GALNT14: variants seen among roughly 807,000 people sequenced by gnomAD.
GALNT14 encodes the protein UDP-GalNAc:polypeptide N-acetylgalactosaminyltransferase 14.
Under a neutral mutation model 77.5 loss-of-function variants are expected in GALNT14, and 60 were observed. The ratio of observed to expected loss-of-function variants is 0.77; its 90% CI spans 0.63 to 0.96. The LOEUF (loss-of-function observed/expected upper bound fraction) is 0.96, where lower values mean the gene tolerates loss of function less well. Among genes scored for constraint, GALNT14 ranks in the 40% least tolerant of loss-of-function variants. The probability of loss-of-function intolerance (pLI) is 0.00; values close to 1 mark genes in which losing one functional copy is unlikely to be tolerated. For missense variants in GALNT14, 710 were observed against 731.0 expected, an observed-to-expected ratio of 0.97 and a Z score of 0.33; for synonymous variants, 280 against 281.7, an observed-to-expected ratio of 0.99 and a Z score of 0.06.
intron 8 of GALNT14, among the ~76,000 whole-genome samples, chr2:30,943,467 A>T (rs2148284255): frequency 6.6e-6 from 1 of 152,320 alleles, no homozygotes; most frequent in Middle Eastern, 3.4e-3. Context: ...ATGCTGCCAC[A>T]TCCTGCTGTT....
At chr2:31,031,606 G>A (rs924145544) in intron 1 of GALNT14, among the ~76,000 whole-genome samples, 10 of 152,094 alleles carry the variant, frequency 6.6e-5, no homozygotes, top group Non-Finnish European at 1.3e-4. Context: ...TCACCAAGTT[G>A]AAGAAATCTA....
chr2:30,942,184 C>T lies in GALNT14; in HGVS notation c.931+17G>A. The T allele has an allele frequency of 6.4e-7, 1 of 1,574,486 alleles. No individual in the cohort carries two copies. The highest frequency in any genetic ancestry group is 8.7e-7 in the Non-Finnish European group (1 of 1,144,070). On this transcript the variant is annotated intron_variant, in intron 9 of 14. Transcript: ENST00000349752. ...GTATAGAACAGCATAGGTCAGGATGCAGAGGCAGGGACTCACCAAAGTTCT... is the reference window on the plus strand; with the variant it reads ...GTATAGAACAGCATAGGTCAGGATGTAGAGGCAGGGACTCACCAAAGTTCT...
intron 1 of GALNT14, among the ~76,000 whole-genome samples, chr2:31,041,484 G>A (rs923513831): frequency 1.3e-5 from 2 of 152,114 alleles, no homozygotes; most frequent in Admixed American, 1.3e-4. Flanking sequence ...GGTCCTACCT[G>A]TCACACTCAG....
intron 10 of GALNT14, among the ~76,000 whole-genome samples, chr2:30,929,691 A>C (rs1393164020): frequency 6.6e-6 from 1 of 152,248 alleles, no homozygotes; most frequent in Non-Finnish European, 1.5e-5. Context: ...CTTTACCCCA[A>C]GACACAAGAT....
chr2:31,043,697 C>T (rs1047156691), intron 1 of GALNT14, among the ~76,000 whole-genome samples: 3 of 151,952 alleles, frequency 2.0e-5, no homozygotes, highest in Admixed American at 6.6e-5. Flanking sequence ...TTATTTAATT[C>T]ATTCAACAAG....
At chr2:31,016,345 T>C (rs80295129) in intron 1 of GALNT14, among the ~76,000 whole-genome samples, 3,620 of 152,238 alleles carry the variant, frequency 0.024, 134 homozygotes, top group African/African-American at 0.083. Flanking sequence ...TACCTCCTTA[T>C]AGGCCATCTC....
intron 13 of GALNT14, among the ~76,000 whole-genome samples, chr2:30,913,182 T>C (rs1045286197): frequency 1.3e-5 from 2 of 152,102 alleles, no homozygotes; most frequent in Non-Finnish European, 2.9e-5. Flanking sequence ...GGGCAGAAAG[T>C]ACTGGCATAA....
intron 1 of GALNT14, among the ~76,000 whole-genome samples, chr2:31,031,868 C>G (rs745512227): frequency 1.1e-4 from 16 of 152,116 alleles, no homozygotes; most frequent in Non-Finnish European, 1.8e-4. Context: ...TGGCTGGACA[C>G]AAAATGCTGG....
chr2:31,127,627 T>C (rs2148646862), intron 1 of GALNT14, among the ~76,000 whole-genome samples: 1 of 152,326 alleles, frequency 6.6e-6, no homozygotes, highest in South Asian at 2.1e-4. Context: ...CTAAAATACA[T>C]AGCATTTCTG....
chr2:30,888,288 C>T, the GALNT14 span, among the ~76,000 whole-genome samples: 1 of 152,186 alleles, frequency 6.6e-6, no homozygotes, highest in East Asian at 1.9e-4. Context: ...CAATAAAGTA[C>T]AGTGGACTGA....
At chr2:31,039,971 C>T (rs1673003105) in intron 1 of GALNT14, among the ~76,000 whole-genome samples, 1 of 152,116 alleles carries the variant, frequency 6.6e-6, no homozygotes, top group Non-Finnish European at 1.5e-5. Flanking sequence ...GTCATGAAAC[C>T]ACATCTCCCT....
chr2:31,098,418 A>C (rs1677099839), intron 1 of GALNT14, among the ~76,000 whole-genome samples: 1 of 152,152 alleles, frequency 6.6e-6, no homozygotes. Flanking sequence ...TACCTCAGTG[A>C]CTATGTCAGA....
the GALNT14 span, among the ~76,000 whole-genome samples, chr2:30,895,821 A>G: frequency 9.6e-4 from 146 of 151,892 alleles, no homozygotes; most frequent in Non-Finnish European, 1.8e-3. Context: ...CTCCTCTCCC[A>G]TGCTTGTTGT....
At chr2:30,951,944 G>A (rs1667053275) in intron 6 of GALNT14, among the ~76,000 whole-genome samples, 2 of 152,288 alleles carry the variant, frequency 1.3e-5, no homozygotes, top group East Asian at 3.9e-4. Flanking sequence ...CCTGAGGGGT[G>A]AACAGCCTGA....
the GALNT14 span, among the ~76,000 whole-genome samples, chr2:30,904,125 G>C: frequency 6.6e-6 from 1 of 152,150 alleles, no homozygotes; most frequent in Non-Finnish European, 1.5e-5. Context: ...TCTCCACAGG[G>C]AGCCTACAGC....
chr2:30,967,450 T>A (rs1668078760), intron 2 of GALNT14, among the ~76,000 whole-genome samples: 1 of 152,146 alleles, frequency 6.6e-6, no homozygotes, highest in South Asian at 2.1e-4. Context: ...ATGGTGTCGG[T>A]CCAGAGAACT....
At chr2:30,951,640 C>A (rs1317076139) in intron 6 of GALNT14, among the ~76,000 whole-genome samples, 1 of 152,210 alleles carries the variant, frequency 6.6e-6, no homozygotes, top group African/African-American at 2.4e-5. Flanking sequence ...ACACAACACA[C>A]AAAACACGCA....
chr2:30,930,560 A>C (rs941968939), intron 10 of GALNT14, among the ~76,000 whole-genome samples: 4 of 152,254 alleles, frequency 2.6e-5, no homozygotes, highest in African/African-American at 9.6e-5. Context: ...AAGAGAGAAA[A>C]GATGTCAGAA....
chr2:30,926,737 C>T (rs1665406082), intron 11 of GALNT14, among the ~76,000 whole-genome samples: 1 of 146,370 alleles, frequency 6.8e-6, no homozygotes. Flanking sequence ...GACTGGGGGA[C>T]ACCAGAGGGG....
Sources: gnomAD v4.1 joint callset for allele counts (sites outside exome capture counted in the v4.1 genomes callset) on GRCh38, gnomAD v4.1.1 for gene constraint, MANE v1.5 for transcripts, NCBI Gene and HGNC (gene_info 2026-07-23, HGNC 2026-07-21) for gene names.